LSAMP: variants seen among roughly 807,000 people sequenced by gnomAD.
The protein encoded by LSAMP is limbic system associated membrane protein.
LSAMP carries 7 observed loss-of-function variants against 38.6 expected under a neutral mutation model. That is an observed-to-expected ratio of 0.18 (90% CI 0.10 to 0.34). The LOEUF (loss-of-function observed/expected upper bound fraction) is 0.34, where lower values mean the gene tolerates loss of function less well. Ranked by LOEUF, LSAMP falls within the 10% of genes least tolerant of loss-of-function variation. The pLI, the probability that LSAMP is intolerant of heterozygous loss-of-function variation, is 1.00. For synonymous variants in LSAMP, 154 were observed against 166.8 expected, an observed-to-expected ratio of 0.92 and a Z score of 0.59; for missense variants, 313 against 420.0, an observed-to-expected ratio of 0.75 and a Z score of 2.23.
intron 3 of LSAMP, among the ~76,000 whole-genome samples, chr3:116,008,103 T>C (rs1311939882): frequency 6.6e-6 from 1 of 152,222 alleles, no homozygotes; most frequent in African/African-American, 2.4e-5. Context: ...ATTTAAGTCT[T>C]TATTGTGTTC....
intron 1 of LSAMP, among the ~76,000 whole-genome samples, chr3:116,100,301 A>G (rs1411432051): frequency 6.6e-6 from 1 of 152,026 alleles, no homozygotes; most frequent in Non-Finnish European, 1.5e-5. Context: ...GCTGGTCTCA[A>G]ACTCCTGACC....
intron 6 of LSAMP, among the ~76,000 whole-genome samples, chr3:115,833,296 C>T (rs1328422397): frequency 6.6e-6 from 1 of 150,710 alleles, no homozygotes; most frequent in African/African-American, 2.4e-5. Context: ...AAAAAACAGG[C>T]ACATTTTAAC....
chr3:116,229,554 A>G (rs1428694140), intron 1 of LSAMP, among the ~76,000 whole-genome samples: 3 of 152,180 alleles, frequency 2.0e-5, no homozygotes, highest in Non-Finnish European at 4.4e-5. Context: ...AGATAAGACC[A>G]CAAATGCTAC....
intron 1 of LSAMP, among the ~76,000 whole-genome samples, chr3:116,265,489 G>T (rs1408710396): frequency 6.6e-6 from 1 of 152,120 alleles, no homozygotes; most frequent in Non-Finnish European, 1.5e-5. Context: ...ATTCGATAGC[G>T]TATACCCTGC....
chr3:116,193,847 A>G (rs1710812449), intron 1 of LSAMP, among the ~76,000 whole-genome samples: 1 of 152,200 alleles, frequency 6.6e-6, no homozygotes, highest in South Asian at 2.1e-4. Flanking sequence ...TAAAACAACA[A>G]AATAATAAGT....
At chr3:115,932,776 T>C (rs1344086203) in intron 3 of LSAMP, among the ~76,000 whole-genome samples, 1 of 152,212 alleles carries the variant, frequency 6.6e-6, no homozygotes, top group African/African-American at 2.4e-5. Context: ...CTTCATTTAG[T>C]GGAGAAATAT....
chr3:116,199,537 T>C (rs1174569441), intron 1 of LSAMP, among the ~76,000 whole-genome samples: 1 of 152,176 alleles, frequency 6.6e-6, no homozygotes, highest in East Asian at 1.9e-4. Flanking sequence ...AGAGTAGAAG[T>C]GTAAGCACTA....
chr3:116,136,811 A>C (rs1373850827), intron 1 of LSAMP, among the ~76,000 whole-genome samples: 1 of 152,138 alleles, frequency 6.6e-6, no homozygotes, highest in Non-Finnish European at 1.5e-5. Context: ...TATGGTACCA[A>C]GTAAGAATAT....
intron 1 of LSAMP, among the ~76,000 whole-genome samples, chr3:116,443,403 G>A (rs538453605): frequency 6.6e-6 from 1 of 152,084 alleles, no homozygotes; most frequent in Non-Finnish European, 1.5e-5. Context: ...AGGAAATGAA[G>A]AAAGGAGTGC....
chr3:116,159,313 C>T (rs1180517320), intron 1 of LSAMP, among the ~76,000 whole-genome samples: 1 of 152,048 alleles, frequency 6.6e-6, no homozygotes, highest in Non-Finnish European at 1.5e-5. Context: ...ACAGAGTAAA[C>T]AGACAACCTA....
intron 3 of LSAMP, among the ~76,000 whole-genome samples, chr3:115,932,386 T>G (rs1937593764): frequency 1.3e-5 from 2 of 152,224 alleles, no homozygotes; most frequent in Non-Finnish European, 2.9e-5. Context: ...GTAATTTTAG[T>G]TAGGCATGAA....
At chr3:116,294,782 A>T (rs1303147117) in intron 1 of LSAMP, among the ~76,000 whole-genome samples, 9 of 152,222 alleles carry the variant, frequency 5.9e-5, no homozygotes, top group Non-Finnish European at 1.5e-5. Context: ...AACATGAAAT[A>T]ACATAGGTAA....
At chr3:116,312,955 G>A (rs1222623492) in intron 1 of LSAMP, among the ~76,000 whole-genome samples, 5 of 152,086 alleles carry the variant, frequency 3.3e-5, no homozygotes, top group Admixed American at 3.3e-4. Flanking sequence ...TATCTAAAAT[G>A]TCATTCCTCA....
chr3:115,926,233 G>A (rs1010974914), intron 3 of LSAMP, among the ~76,000 whole-genome samples: 2 of 152,108 alleles, frequency 1.3e-5, no homozygotes, highest in Admixed American at 6.6e-5. Context: ...CTAGATGAGA[G>A]TGAATGGAAT....
chr3:116,306,132 A>G (rs2047482723), intron 1 of LSAMP, among the ~76,000 whole-genome samples: 1 of 152,062 alleles, frequency 6.6e-6, no homozygotes. Context: ...ATGGTATATA[A>G]AAGTAGGTAC....
intron 1 of LSAMP, among the ~76,000 whole-genome samples, chr3:116,316,334 T>C (rs1268407700): frequency 6.6e-6 from 1 of 152,206 alleles, no homozygotes; most frequent in Non-Finnish European, 1.5e-5. Context: ...CCTTTTAGGT[T>C]GTTTTAGGAG....
chr3:115,866,568 C>A (rs1935867186), intron 3 of LSAMP, among the ~76,000 whole-genome samples: 1 of 152,102 alleles, frequency 6.6e-6, no homozygotes, highest in Admixed American at 6.6e-5. Flanking sequence ...GGCTACTGAC[C>A]TTCTCAAGTG....
At chr3:115,894,814 A>G (rs1936688525) in intron 3 of LSAMP, among the ~76,000 whole-genome samples, 1 of 152,054 alleles carries the variant, frequency 6.6e-6, no homozygotes, top group South Asian at 2.1e-4. Context: ...TCCCACTGCT[A>G]GCTTGTTACC....
intron 1 of LSAMP, among the ~76,000 whole-genome samples, chr3:116,235,021 T>C (rs2046447957): frequency 1.1e-5 from 1 of 89,048 alleles, no homozygotes; most frequent in African/African-American, 3.0e-5. Flanking sequence ...TGTAGCATTA[T>C]ATTTCCACAG....
Sources: allele counts gnomAD v4.1 joint callset (sites outside exome capture counted in the v4.1 genomes callset), GRCh38; gene constraint gnomAD v4.1.1; transcripts MANE v1.5; gene names NCBI Gene and HGNC (gene_info 2026-07-23, HGNC 2026-07-21).